ZC3H18: variants seen among roughly 807,000 people sequenced by gnomAD.
ZC3H18 encodes the protein zinc finger CCCH domain-containing protein 18.
Under a neutral mutation model 106.1 loss-of-function variants are expected in ZC3H18, and 8 were observed. The ratio of observed to expected loss-of-function variants is 0.08; its 90% CI spans 0.04 to 0.14. The LOEUF is 0.14. Ranked by LOEUF, ZC3H18 falls within the 10% of genes least tolerant of loss-of-function variation. The pLI is 1.00. For synonymous variants in ZC3H18, 635 were observed against 522.1 expected (o/e 1.22, Z -2.95); for missense variants, 1,318 against 1,278.4 (o/e 1.03, Z -0.47).
At chr16:88,573,738 C>T (rs912111032) in intron 1 of ZC3H18, among the ~76,000 whole-genome samples, 2 of 151,906 alleles carry the variant, frequency 1.3e-5, no homozygotes, top group African/African-American at 2.4e-5. Context: ...ATAATTCCTC[C>T]CAGTAGTCCT....
intron 3 of ZC3H18, among the ~76,000 whole-genome samples, chr16:88,597,316 G>A (rs1904492694): frequency 1.3e-5 from 2 of 152,136 alleles, no homozygotes; most frequent in Admixed American, 6.5e-5. Flanking sequence ...TTATTATGTT[G>A]TATTGAGTTG....
chr16:88,584,315 A>G (rs927558751), intron 2 of ZC3H18, among the ~76,000 whole-genome samples: 2 of 151,942 alleles, frequency 1.3e-5, no homozygotes, highest in African/African-American at 4.8e-5. Flanking sequence ...CCAGCTACTC[A>G]GGAGGCTGAG....
Position 88,628,076 on chromosome 16 carries a change from C to G in ZC3H18, c.2426C>G (p.Thr809Arg). ...CCCCCCGGGCAGCCCCAGCAGGGCA[C>G]ATTTGTGGCCCACAAGGAGATCAAG... The part of the protein sequence containing the change: ...QAPPGQPQQG[T>R]FVAHKEIKLT... Residue 809 changes from threonine (T) to arginine (R), a missense_variant, in exon 15 of 18, where the codon ACA (threonine) becomes AGA (arginine). By Grantham distance (71) the Thr-to-Arg change is moderately conservative (BLOSUM62 -1). Coordinates refer to ENST00000301011, the MANE Select transcript of ZC3H18 (RefSeq NM_144604.4). 6.2e-7 allele frequency: 1 copy of G among 1,614,086 alleles called. No individual in the cohort carries two copies. The highest frequency in any genetic ancestry group is 8.5e-7 in the Non-Finnish European group (1 of 1,180,030).
chr16:88,627,683 C>T lies in ZC3H18; in HGVS notation c.2170C>T (p.His724Tyr). ...TGCTACGTCGAGCAGCAGCTCTGCA[C>T]ACAGCGTGGACTCGGAGGACATGTA... ...SSATSSSSSA[H>Y]SVDSEDMYAD... The change falls in exon 14 of 18, where the codon CAC (histidine) becomes TAC (tyrosine). Residue 724 changes from histidine to tyrosine, a missense_variant. Transcript: ENST00000301011. The surrounding 1 kb of genome is among the most constrained non-coding windows in gnomAD (Gnocchi z 4.5). 6.2e-7 allele frequency: 1 copy of T among 1,613,796 alleles called. No homozygotes were observed.
Position 88,598,601 on chromosome 16 carries a change from C to T in ZC3H18, c.838-19C>T, listed in dbSNP as rs1181577939. ...GAAAGTTTTACTTTCTCACCTTCTCCCTTCTCGTTTTTCAATAGGGTGGGC... is the reference window on the plus strand; with the variant it reads ...GAAAGTTTTACTTTCTCACCTTCTCTCTTCTCGTTTTTCAATAGGGTGGGC... On this transcript the variant is annotated intron_variant, in intron 4 of 17. Transcript: ENST00000301011. The T allele has an allele frequency of 6.3e-7, 1 of 1,598,302 alleles. No individual in the cohort carries two copies. The highest frequency in any genetic ancestry group is 2.3e-5 in the East Asian group (1 of 44,410).
chr16:88,570,790 G>C (rs1192671103), intron 1 of ZC3H18, among the ~76,000 whole-genome samples: 8 of 152,106 alleles, frequency 5.3e-5, no homozygotes, highest in African/African-American at 1.9e-4. Flanking sequence ...CGGTCCTGGG[G>C]CGCCCTGGGC....
chr16:88,604,921 C>A (rs74033316), intron 6 of ZC3H18, among the ~76,000 whole-genome samples: 14,963 of 152,160 alleles, frequency 0.098, 912 homozygotes, highest in Middle Eastern at 0.16. Flanking sequence ...TGGGCCCCTG[C>A]CAACTCCCCA....
chr16:88,595,198 G>T lies in ZC3H18; in HGVS notation c.689-2980G>T, dbSNP rs139571409. ...AAGAAAAACCAGTTGCTGCTGTGCC[G>T]ACATTCCAGTTAAGAAAAAGACCAT... On this transcript the variant is annotated intron_variant, in intron 3 of 17. Coordinates refer to ENST00000301011, the MANE Select transcript of ZC3H18 (RefSeq NM_144604.4). 3.0e-3 allele frequency among the ~76,000 whole-genome samples: 463 copies of T among 152,228 alleles called. 4 individuals are homozygous for T. The highest frequency in any genetic ancestry group is 0.01 in the African/African-American group (436 of 41,556).
intron 6 of ZC3H18, among the ~76,000 whole-genome samples, chr16:88,600,427 T>C (rs543156189): frequency 1.2e-3 from 180 of 152,296 alleles, no homozygotes; most frequent in Middle Eastern, 0.01. Context: ...TGGTTTTTTT[T>C]CCCGAGGCAG....
chr16:88,597,940 C>T (rs1904525860), intron 3 of ZC3H18, among the ~76,000 whole-genome samples: 1 of 152,256 alleles, frequency 6.6e-6, no homozygotes, highest in Admixed American at 6.5e-5. Context: ...TGTGGTCACT[C>T]TGACCGAGGT....
intron 6 of ZC3H18, among the ~76,000 whole-genome samples, chr16:88,602,220 G>C (rs1174463387): frequency 6.6e-6 from 1 of 152,264 alleles, no homozygotes; most frequent in African/African-American, 2.4e-5. Flanking sequence ...GTGTGCAGGA[G>C]GGTGGCTGGC....
intron 8 of ZC3H18, among the ~76,000 whole-genome samples, chr16:88,612,118 A>G (rs1007106418): frequency 3.3e-5 from 5 of 152,200 alleles, no homozygotes; most frequent in Admixed American, 3.3e-4. Flanking sequence ...GTCAAGACCC[A>G]TGAGACAGGC....
chr16:88,606,581 G>A (rs565941110), intron 6 of ZC3H18, among the ~76,000 whole-genome samples: 2 of 152,344 alleles, frequency 1.3e-5, no homozygotes, highest in South Asian at 4.1e-4. Flanking sequence ...TCAGCCCACC[G>A]AGTAGTTGGG....
chr16:88,577,815 C>A (rs1914860237), intron 2 of ZC3H18, 89 bp downstream of exon 2: 3 of 1,597,676 alleles, frequency 1.9e-6, no homozygotes, highest in Non-Finnish European at 1.7e-6. Context: ...CTGTGTGGGA[C>A]TGACTTAGTG....
intron 8 of ZC3H18, among the ~76,000 whole-genome samples, chr16:88,620,463 C>A (rs901597035): frequency 6.6e-6 from 1 of 152,034 alleles, no homozygotes. Context: ...CACCTGCAGT[C>A]CTGGCTACTC....
chr16:88,598,031 C>G, intron 3 of ZC3H18, 147 bp from the exon 4 acceptor site: 1 of 718,048 alleles, frequency 1.4e-6, no homozygotes, highest in Non-Finnish European at 2.1e-6. Context: ...TCCCGCCCAC[C>G]TCCCCGTTCA....
Position 88,597,719 on chromosome 16 carries a change from T to G in ZC3H18, c.689-459T>G, listed in dbSNP as rs952219466. Among the ~76,000 whole-genome samples the G allele has an allele frequency of 6.6e-5, 10 of 152,248 alleles. No individual in the cohort carries two copies. In the East Asian group the frequency reaches 1.5e-3, roughly 23 times the overall value. On this transcript the variant is annotated intron_variant, in intron 3 of 17. Coordinates refer to ENST00000301011, the MANE Select transcript of ZC3H18 (RefSeq NM_144604.4). ...TGAGAGAAATGCAGACGTACAGAGG[T>G]GGCCAAGGGGACCCTGAGCACACCT... is the stretch of plus-strand genomic sequence containing the variant.
Position 88,631,605 on chromosome 16 carries a change from T to G in ZC3H18, c.*306T>G. The G allele has an allele frequency of 6.1e-6, 3 of 488,268 alleles. No individual in the cohort carries two copies. The highest frequency in any genetic ancestry group is 1.2e-5 in the Non-Finnish European group (3 of 248,792). 30.2% of individuals were successfully genotyped at this position (488,268 alleles called of 1,614,324 possible). The stretch of plus-strand genomic sequence containing the variant: ...CTTCTCTTCCTCCTCCTCCGTCTTC[T>G]TCCCTGGCCCTGGTCAGGCCTGTGG... On this transcript the variant is annotated 3_prime_UTR_variant, in exon 18 of 18. Transcript: ENST00000301011.
intron 3 of ZC3H18, among the ~76,000 whole-genome samples, chr16:88,594,069 C>T (rs528181930): frequency 3.3e-5 from 5 of 152,094 alleles, no homozygotes; most frequent in African/African-American, 9.7e-5. Context: ...TTTAGATGCC[C>T]CTCCCTCTCT....
Sources: allele counts gnomAD v4.1 joint callset (sites outside exome capture counted in the v4.1 genomes callset), GRCh38; gene constraint gnomAD v4.1.1; non-coding constraint Gnocchi (gnomAD v3.1); transcripts MANE v1.5; gene names NCBI Gene and HGNC (gene_info 2026-07-23, HGNC 2026-07-21).